NRL: variants seen among roughly 807,000 people sequenced by gnomAD.
The protein encoded by NRL is neural retina-specific leucine zipper protein.
NRL carries 16 observed loss-of-function variants against 12.5 expected under a neutral mutation model. The observed-to-expected ratio is 1.28, with a 90% CI of 0.87 to 1.95. The LOEUF (loss-of-function observed/expected upper bound fraction) is 1.95, where lower values mean the gene tolerates loss of function less well. Among genes scored for constraint, NRL ranks in the 30% most tolerant of loss-of-function variants. NRL has a pLI of 0.00. For synonymous variants in NRL, 142 were observed against 150.9 expected (o/e 0.94, Z 0.43); for missense variants, 314 against 325.8 (o/e 0.96, Z 0.28).
chr14:24,111,439 T>C (rs900697147), intron 1 of NRL, among the ~76,000 whole-genome samples: 4 of 152,180 alleles, frequency 2.6e-5, no homozygotes, highest in Non-Finnish European at 5.9e-5. Context: ...AGTGGCGTGA[T>C]CTCGGCTCAA....
chr14:24,104,136 G>A, intron 1 of NRL: 1 of 607,284 alleles, frequency 1.6e-6, no homozygotes, highest in South Asian at 2.0e-5. Flanking sequence ...CACAAGATTT[G>A]TGCTGTTTTC....
In NRL at chr14:24,081,338, C is replaced by T. The variant is rs1424848359; in HGVS notation, c.612G>A (p.Glu204=). 1 of 1,472,504 alleles carries T rather than the reference C, an allele frequency of 6.8e-7. No individual in the cohort carries two copies. The highest frequency in any genetic ancestry group is 9.0e-7 in the Non-Finnish European group (1 of 1,110,226). 91.2% of individuals were successfully genotyped at this position (1,472,504 alleles called of 1,614,324 possible). ...CGCGCTCCCGGGCCAGGCGGGCCAC[C>T]TCGGCCCGCAGCGCGTCCAGCTGGG... ...LAAQLDALRA[E]VARLARERDL... Residue 204 remains glutamate (E), a synonymous_variant, in exon 3 of 3, where the codon GAG becomes GAA. Coordinates refer to ENST00000561028, the MANE Select transcript of NRL (RefSeq NM_001354768.3). The surrounding 1 kb of genome is among the most constrained non-coding windows in gnomAD (Gnocchi z 4.4).
rs552375578 is a variant in NRL at position 24,081,887 on chromosome 14, G to A, written c.382-319C>T. The A allele has an allele frequency of 5.3e-6, 7 of 1,332,032 alleles. No individual in the cohort carries two copies. In the Admixed American group the frequency reaches 1.6e-4, roughly 30 times the overall value. The allele number at this position is 1,332,032 out of a possible 1,614,324, so 82.5% of individuals were successfully genotyped here. ...CCCCGGCATCCAGCTCCAGGCCCGG[G>A]TGTGTCCAGTGGACCCGCACCCAGA... On this transcript the variant is annotated intron_variant, in intron 2 of 2. Coordinates refer to ENST00000561028, the MANE Select transcript of NRL (RefSeq NM_001354768.3). The surrounding 1 kb of genome is among the most constrained non-coding windows in gnomAD (Gnocchi z 4.4).
At chr14:24,109,423 T>A (rs918103998) in intron 1 of NRL, among the ~76,000 whole-genome samples, 1 of 152,142 alleles carries the variant, frequency 6.6e-6, no homozygotes, top group African/African-American at 2.4e-5. Flanking sequence ...CTGCCAGGCG[T>A]GGTGGCTCAC....
chr14:24,109,340 C>T (rs914961169), intron 1 of NRL, among the ~76,000 whole-genome samples: 2 of 152,150 alleles, frequency 1.3e-5, no homozygotes, highest in Non-Finnish European at 2.9e-5. Flanking sequence ...TATAAATGCT[C>T]TTACACATTT....
Position 24,094,069 on chromosome 14 carries a change from A to AT in NRL, c.-27-11195dup, listed in dbSNP as rs2036731379. 1 of 533,876 alleles carries AT rather than the reference A, an allele frequency of 1.9e-6. No homozygotes were observed. Among genetic ancestry groups the AT allele is most frequent in the Non-Finnish European group, 3.3e-6 (1 of 304,752 alleles). 33.1% of individuals were successfully genotyped at this position (533,876 alleles called of 1,614,324 possible). A position where few individuals can be genotyped will look rare whatever the true frequency, so the allele number is the denominator to read the frequency against. ...TGTGCGGCTGGGAGGGCGGTGGCGG[A>AT]TGGGGGGCGGGGCCTCGAAGTCGGG... On this transcript the variant is annotated intron_variant, in intron 1 of 2. Coordinates refer to ENST00000561028, the MANE Select transcript of NRL (RefSeq NM_001354768.3). The surrounding 1 kb of genome is among the most constrained non-coding windows in gnomAD (Gnocchi z 4.1).
chr14:24,083,013 C>T (rs2036367956), intron 1 of NRL, 138 bp from the exon 2 acceptor site: 1 of 777,762 alleles, frequency 1.3e-6, no homozygotes, highest in Non-Finnish European at 2.0e-6. Context: ...GCTCTGTTCA[C>T]TGCAGAGTCC....
intron 1 of NRL, chr14:24,100,033 G>C (rs770666855): frequency 1.8e-5 from 29 of 1,613,856 alleles, no homozygotes; most frequent in Non-Finnish European, 2.4e-5. Flanking sequence ...CGGCTTCTTT[G>C]GGGTTGCCCC....
At chr14:24,089,148 G>A (rs889546089) in intron 1 of NRL, among the ~76,000 whole-genome samples, 2 of 151,844 alleles carry the variant, frequency 1.3e-5, no homozygotes, top group African/African-American at 4.8e-5. Context: ...TGTTGGCCAG[G>A]CTGGTCTTGA....
chr14:24,109,092 A>C (rs979545892), intron 1 of NRL, among the ~76,000 whole-genome samples: 2 of 152,198 alleles, frequency 1.3e-5, no homozygotes, highest in African/African-American at 4.8e-5. Flanking sequence ...AATTGTCCTA[A>C]AATGGGTGCT....
chr14:24,095,159 G>A (rs769131717), intron 1 of NRL: 3 of 455,962 alleles, frequency 6.6e-6, no homozygotes, highest in South Asian at 3.1e-5. Flanking sequence ...TCCCAGAGTC[G>A]GAAGTGACCC....
chr14:24,102,651 C>CAAA, intron 1 of NRL: 1 of 881,880 alleles, frequency 1.1e-6, no homozygotes, highest in Non-Finnish European at 1.7e-6. Context: ...GCTGATGAGG[C>CAAA]AAAAAAAAAA....
chr14:24,099,353 C>T (rs1024449399), intron 1 of NRL: 1 of 1,119,914 alleles, frequency 8.9e-7, no homozygotes, highest in South Asian at 1.5e-5. Flanking sequence ...GGCGGGGACT[C>T]TACTTGAAGG....
intron 1 of NRL, among the ~76,000 whole-genome samples, chr14:24,083,598 C>T (rs1047908473): frequency 2.0e-5 from 3 of 152,194 alleles, no homozygotes; most frequent in South Asian, 4.1e-4. Flanking sequence ...GAACTTGTTA[C>T]GTTGTGTGAA....
At position 24,094,531 on chromosome 14, in the gene NRL, G is replaced by C; in HGVS notation, c.-27-11656C>G. 6.9e-7 allele frequency: 1 copy of C among 1,444,560 alleles called. No individual in the cohort carries two copies. The highest frequency in any genetic ancestry group is 1.4e-5 in the South Asian group (1 of 69,500). The allele number at this position is 1,444,560 out of a possible 1,614,324, so 89.5% of individuals were successfully genotyped here. A position where few individuals can be genotyped will look rare whatever the true frequency, so the allele number is the denominator to read the frequency against. ...CTCTCCTGCTCTCAGCCTCCGCCAGGTTTCCCATCCTAGGCGGAGGCGGGC... is the reference window on the plus strand; with the variant it reads ...CTCTCCTGCTCTCAGCCTCCGCCAGCTTTCCCATCCTAGGCGGAGGCGGGC... On this transcript the variant is annotated intron_variant, in intron 1 of 2. Transcript: ENST00000561028. This position sits in a 1 kb window ranked among gnomAD's most constrained non-coding sequence, Gnocchi z 4.1.
chr14:24,114,173 C>G (rs1414746992), intron 1 of NRL: 1 of 152,284 alleles, frequency 6.6e-6, no homozygotes, highest in African/African-American at 2.4e-5. Context: ...AAGGGGACAG[C>G]GGAACCGGAA....
chr14:24,102,223 G>T (rs901335399), intron 1 of NRL, among the ~76,000 whole-genome samples: 3 of 152,182 alleles, frequency 2.0e-5, no homozygotes, highest in Non-Finnish European at 4.4e-5. Context: ...GCAAGACTCT[G>T]CCTCAAAAAT....
At chr14:24,098,706 A>G in intron 1 of NRL, 1 of 1,583,558 alleles carries the variant, frequency 6.3e-7, no homozygotes. Flanking sequence ...CCCAAGGGGA[A>G]CACAGAGGCC....
intron 1 of NRL, among the ~76,000 whole-genome samples, chr14:24,087,595 C>A (rs770104643): frequency 1.3e-5 from 2 of 152,198 alleles, no homozygotes; most frequent in East Asian, 3.9e-4. Flanking sequence ...GTATCTAGAT[C>A]TTCAGTAATA....
Sources: allele counts gnomAD v4.1 joint callset (sites outside exome capture counted in the v4.1 genomes callset), GRCh38; gene constraint gnomAD v4.1.1; non-coding constraint Gnocchi (gnomAD v3.1); transcripts MANE v1.5; gene names NCBI Gene and HGNC (gene_info 2026-07-23, HGNC 2026-07-21).